CDH23: variants seen among roughly 807,000 people sequenced by gnomAD.
The protein encoded by CDH23 is cadherin related 23, also known as cadherin-23.
CDH23 carries 189 observed loss-of-function variants against 317.1 expected under a neutral mutation model. The ratio of observed to expected loss-of-function variants is 0.60; its 90% CI spans 0.53 to 0.67. CDH23 has a LOEUF of 0.67. Ranked by LOEUF, CDH23 falls within the 30% of genes least tolerant of loss-of-function variation. The probability of loss-of-function intolerance (pLI) is 0.00; values close to 1 mark genes in which losing one functional copy is unlikely to be tolerated. For missense variants in CDH23, 4,401 were observed against 4,592.4 expected, an observed-to-expected ratio of 0.96 and a Z score of 1.20; for synonymous variants, 1,839 against 1,876.8, an observed-to-expected ratio of 0.98 and a Z score of 0.52.
chr10:71,754,863 T>G (rs1013766458), intron 38 of CDH23, among the ~76,000 whole-genome samples: 1 of 152,172 alleles, frequency 6.6e-6, no homozygotes, highest in Non-Finnish European at 1.5e-5. Flanking sequence ...TAACATTCAG[T>G]CAGTTATGTA....
chr10:71,633,406 A>G (rs995261911), intron 11 of CDH23, among the ~76,000 whole-genome samples: 1 of 152,044 alleles, frequency 6.6e-6, no homozygotes, highest in African/African-American at 2.4e-5. Flanking sequence ...TATGCGGCCA[A>G]TACACATACA....
chr10:71,686,702 A>G (rs539533411), intron 18 of CDH23, among the ~76,000 whole-genome samples: 42 of 152,238 alleles, frequency 2.8e-4, no homozygotes, highest in African/African-American at 9.1e-4. Context: ...AGACTGCCCA[A>G]CGGTGCCGGG....
intron 6 of CDH23, among the ~76,000 whole-genome samples, chr10:71,541,907 T>G (rs1185846564): frequency 6.6e-6 from 1 of 152,248 alleles, no homozygotes; most frequent in Middle Eastern, 3.2e-3. Context: ...TTCTTTTGAT[T>G]TTTTGCTAAG....
At position 71,687,723 on chromosome 10, in the gene CDH23, C is replaced by T; in HGVS notation, c.2059+4C>T. ...GTGGTGGAGAACATCATGGCAGGTA[C>T]AGGCTCAGGTCGGGGGGTGGGGGGC... On this transcript the variant is annotated splice_donor_region_variant and intron_variant, in intron 19 of 69. Transcript: ENST00000224721. 1.2e-6 allele frequency: 2 copies of T among 1,613,448 alleles called. No individual in the cohort carries two copies. The highest frequency in any genetic ancestry group is 1.7e-6 in the Non-Finnish European group (2 of 1,179,684).
chr10:71,798,419 A>G lies in CDH23; in HGVS notation c.6895A>G (p.Thr2299Ala), dbSNP rs2132965545. The G allele has an allele frequency of 6.2e-7, 1 of 1,613,882 alleles. No individual in the cohort carries two copies. The highest frequency in any genetic ancestry group is 8.5e-7 in the Non-Finnish European group (1 of 1,179,818). The change falls in exon 50 of 70, where the codon ACC (threonine) becomes GCC (alanine). Residue 2299 changes from threonine to alanine, a missense_variant. Around this residue, in one of 3 missense-constraint regions of CDH23, gnomAD observed 3,068 missense variants for 3,203.3 expected, o/e 0.96. Coordinates refer to ENST00000224721, the MANE Select transcript of CDH23 (RefSeq NM_022124.6). ...NTPQFKPFGI[T>A]YYMERILEGA... is the part of the protein sequence containing the mutation. The stretch of plus-strand genomic sequence containing the variant: ...GCCCCAGTTCAAGCCCTTTGGGATC[A>G]CCTACTACATGGAGCGGATCCTGGA...
At chr10:71,634,334 G>C (rs1440087053) in intron 11 of CDH23, among the ~76,000 whole-genome samples, 1 of 152,240 alleles carries the variant, frequency 6.6e-6, no homozygotes, top group Non-Finnish European at 1.5e-5. Context: ...CTGCATTTTG[G>C]ACTCTTCTCC....
Position 71,739,680 on chromosome 10 carries a change from G to A in CDH23, c.4396G>A (p.Ala1466Thr). The A allele has an allele frequency of 6.2e-7, 1 of 1,613,276 alleles. No homozygotes were observed. Residue 1466 changes from alanine to threonine, a missense_variant, in exon 36 of 70, where the codon GCC becomes ACC. Coordinates refer to ENST00000224721, the MANE Select transcript of CDH23 (RefSeq NM_022124.6). ...CCTGGCCTCTGGCAACATCGCGGGG[G>A]CCTTTGAGATCGTCACCACCAATGA... ...FSLASGNIAGAFEIVTTNDSI... is the reference protein window; with the variant it reads ...FSLASGNIAGTFEIVTTNDSI...
At chr10:71,572,049 C>T (rs908668934) in intron 8 of CDH23, among the ~76,000 whole-genome samples, 1 of 152,238 alleles carries the variant, frequency 6.6e-6, no homozygotes, top group African/African-American at 2.4e-5. Flanking sequence ...TTGGCCACTT[C>T]CTTCTTGGGA....
chr10:71,426,736 T>C (rs552814893), intron 1 of CDH23, among the ~76,000 whole-genome samples: 1 of 152,378 alleles, frequency 6.6e-6, no homozygotes, highest in South Asian at 2.1e-4. Flanking sequence ...ATTGATATGT[T>C]ATTCACATAT....
At position 71,694,669 on chromosome 10, in the gene CDH23, C is replaced by T. The variant is rs371568729; in HGVS notation, c.2289+410C>T. 6.3e-4 allele frequency among the ~76,000 whole-genome samples: 96 copies of T among 152,184 alleles called. 2 individuals carry two copies. The South Asian group carries it at 0.016, about 26-fold the overall frequency. On this transcript the variant is annotated intron_variant, in intron 21 of 69. Transcript: ENST00000224721. ...AGGGTCCCTGGGGGCTTGTTCTCCC[C>T]CATCTAATGTGCCCCAGAGAGTAGA...
In CDH23 at chr10:71,510,192, G is replaced by A. The variant is rs200085829; in HGVS notation, c.256G>A (p.Val86Met). ...RFFAVEPDTG[V>M]VWLRQPLDRE... ...CTTTGCAGTGGAGCCTGACACTGGCGTGGTGTGGCTCCGGCAGCCACTGGA... is the reference window on the plus strand; with the variant it reads ...CTTTGCAGTGGAGCCTGACACTGGCATGGTGTGGCTCCGGCAGCCACTGGA... The change falls in exon 4 of 70, where the codon GTG becomes ATG. Residue 86 changes from valine (V) to methionine (M), a missense_variant. Transcript: ENST00000224721. The A allele has an allele frequency of 1.3e-4, 205 of 1,613,942 alleles. No homozygotes were observed. The highest frequency in any genetic ancestry group is 1.7e-4 in the African/African-American group (13 of 75,052).
At chr10:71,421,135 C>T (rs1222905498) in intron 1 of CDH23, among the ~76,000 whole-genome samples, 7 of 152,220 alleles carry the variant, frequency 4.6e-5, no homozygotes, top group Non-Finnish European at 1.0e-4. Context: ...TTCAGCTCCT[C>T]ATAGGAAAGA....
At chr10:71,573,420 C>T (rs1418953461) in intron 8 of CDH23, among the ~76,000 whole-genome samples, 1 of 152,212 alleles carries the variant, frequency 6.6e-6, no homozygotes, top group African/African-American at 2.4e-5. Context: ...TCCTTTTATG[C>T]ACCCATCAGA....
intron 6 of CDH23, among the ~76,000 whole-genome samples, chr10:71,517,882 C>T (rs1854429766): frequency 6.6e-6 from 1 of 152,192 alleles, no homozygotes. Flanking sequence ...AGGTGCCTGC[C>T]CTTTCCCTGG....
At chr10:71,687,585 G>GACATC in intron 18 of CDH23, 62 bp from the exon 19 acceptor site, 1 of 1,487,304 alleles carries the variant, frequency 6.7e-7, no homozygotes, top group East Asian at 2.3e-5. Flanking sequence ...GCCCACCTTA[G>GACATC]ACATCTGGCC....
intron 14 of CDH23, among the ~76,000 whole-genome samples, chr10:71,664,914 C>T (rs1589310508): frequency 6.6e-6 from 1 of 151,858 alleles, no homozygotes; most frequent in Non-Finnish European, 1.5e-5. Flanking sequence ...TTTATCTCTC[C>T]CCCAGCCCCC....
chr10:71,618,975 C>A lies in CDH23; in HGVS notation c.1134+1582C>A, dbSNP rs1026933734. On this transcript the variant is annotated intron_variant, in intron 11 of 69. Transcript: ENST00000224721. ...GAGCTATATTTAGCCTCTTGGGGAG[C>A]CAAGTATAACCCATGGTCCTAGGAG... Among the ~76,000 whole-genome samples, 24 of 152,288 alleles carry A rather than the reference C, an allele frequency of 1.6e-4. No individual in the cohort carries two copies. In the East Asian group the frequency reaches 3.5e-3, roughly 22 times the overall value.
At chr10:71,460,016 C>G (rs1255092494) in intron 3 of CDH23, among the ~76,000 whole-genome samples, 1 of 152,224 alleles carries the variant, frequency 6.6e-6, no homozygotes, top group Non-Finnish European at 1.5e-5. Flanking sequence ...CTCATTTAAT[C>G]CTCACAACGC....
intron 18 of CDH23, among the ~76,000 whole-genome samples, chr10:71,684,110 C>A (rs10999951): frequency 0.052 from 7,809 of 149,486 alleles, 445 homozygotes; most frequent in East Asian, 0.24. Context: ...CAAACAACAA[C>A]AAAAAAAAAC....
Sources: gnomAD v4.1 joint callset for allele counts (sites outside exome capture counted in the v4.1 genomes callset) on GRCh38, gnomAD v4.1.1 for gene constraint, gnomAD v4.1.1 regional missense constraint, MANE v1.5 for transcripts, NCBI Gene and HGNC (gene_info 2026-07-23, HGNC 2026-07-21) for gene names.